The following CCDC81 variants were observed in gnomAD, a reference collection of about 807,000 sequenced individuals.
CCDC81 encodes the protein coiled-coil domain-containing protein 81.
A neutral mutation model predicts 83.7 loss-of-function variants in CCDC81; 79 were observed. The ratio of observed to expected loss-of-function variants is 0.94; its 90% CI spans 0.79 to 1.14. The LOEUF (loss-of-function observed/expected upper bound fraction) is 1.14, where lower values mean the gene tolerates loss of function less well. CCDC81 is among the 50% of genes most tolerant of loss of function. The probability of loss-of-function intolerance (pLI) is 0.00; values close to 1 mark genes in which losing one functional copy is unlikely to be tolerated. For synonymous variants in CCDC81, 252 were observed against 278.1 expected, an observed-to-expected ratio of 0.91 and a Z score of 0.93; for missense variants, 791 against 778.1, an observed-to-expected ratio of 1.02 and a Z score of -0.20.
chr11:86,415,305 A>T lies in CCDC81; in HGVS notation c.1683A>T (p.Thr561=). The part of the protein sequence containing the change: ...QRRDLQMLQR[T]QREHLADRTA... ...GGGATTTGCAAATGCTTCAGAGGAC[A>T]CAAAGAGAGTAAGGAGACCCCTGAT... Residue 561 remains threonine (T), a synonymous_variant, in exon 13 of 15, where the codon ACA becomes ACT. Coordinates refer to ENST00000445632, the MANE Select transcript of CCDC81 (RefSeq NM_001156474.2). 1 of 1,613,376 alleles carries T rather than the reference A, an allele frequency of 6.2e-7. No individual in the cohort carries two copies. The highest frequency in any genetic ancestry group is 2.2e-5 in the East Asian group (1 of 44,880).
intron 1 of CCDC81, among the ~76,000 whole-genome samples, chr11:86,378,361 T>C (rs1948127389): frequency 6.6e-6 from 1 of 152,196 alleles, no homozygotes; most frequent in African/African-American, 2.4e-5. Flanking sequence ...TCCTTTTCTA[T>C]TTGTTAAGGT....
intron 7 of CCDC81, among the ~76,000 whole-genome samples, chr11:86,405,756 T>C (rs1417940403): frequency 6.6e-6 from 1 of 152,032 alleles, no homozygotes; most frequent in African/African-American, 2.4e-5. Context: ...TTTACCAATT[T>C]CTTTGGTCAC....
At chr11:86,396,526 T>C (rs1948410637) in intron 5 of CCDC81, among the ~76,000 whole-genome samples, 1 of 152,198 alleles carries the variant, frequency 6.6e-6, no homozygotes, top group African/African-American at 2.4e-5. Context: ...AGTATAAAAG[T>C]ATGAGAATTT....
chr11:86,391,260 G>A (rs1013236273), intron 3 of CCDC81, among the ~76,000 whole-genome samples: 3 of 152,200 alleles, frequency 2.0e-5, no homozygotes, highest in Non-Finnish European at 4.4e-5. Context: ...TTGTTAAATT[G>A]TGCAGGAGAC....
At chr11:86,405,711 T>C (rs1948556237) in intron 7 of CCDC81, among the ~76,000 whole-genome samples, 1 of 152,210 alleles carries the variant, frequency 6.6e-6, no homozygotes, top group Non-Finnish European at 1.5e-5. Flanking sequence ...TGTATTATTT[T>C]ATGGTCAATG....
intron 13 of CCDC81, 49 bp downstream of exon 13, chr11:86,415,362 G>T: frequency 6.9e-7 from 1 of 1,456,202 alleles, no homozygotes; most frequent in Non-Finnish European, 9.6e-7. Flanking sequence ...CACTTATTCC[G>T]CTTCCTTTAT....
chr11:86,379,033 G>A (rs1027442766), intron 1 of CCDC81, among the ~76,000 whole-genome samples: 2 of 150,602 alleles, frequency 1.3e-5, no homozygotes, highest in African/African-American at 2.4e-5. Context: ...CTTGTTTTTT[G>A]TACCCATCTT....
chr11:86,408,609 T>C (rs1475181616), intron 9 of CCDC81, among the ~76,000 whole-genome samples: 1 of 152,134 alleles, frequency 6.6e-6, no homozygotes, highest in African/African-American at 2.4e-5. Context: ...CCTCCCAAAG[T>C]GCTGGGATTA....
At chr11:86,376,515 G>T (rs562975241) in intron 1 of CCDC81, among the ~76,000 whole-genome samples, 1 of 152,214 alleles carries the variant, frequency 6.6e-6, no homozygotes, top group East Asian at 1.9e-4. Context: ...GGGGACCAGG[G>T]GAAACTGCCA....
chr11:86,404,974 A>G (rs1034310735), intron 7 of CCDC81, among the ~76,000 whole-genome samples: 2 of 152,158 alleles, frequency 1.3e-5, no homozygotes, highest in Non-Finnish European at 2.9e-5. Context: ...GAGTACTTTT[A>G]CAGTAATTGT....
intron 1 of CCDC81, among the ~76,000 whole-genome samples, chr11:86,378,032 G>C (rs71465633): frequency 1.1e-5 from 1 of 94,220 alleles, no homozygotes; most frequent in African/African-American, 4.0e-5. Flanking sequence ...TTGTTTAAAA[G>C]ACTATCTGCT....
chr11:86,376,830 A>G (rs1948105016), intron 1 of CCDC81, among the ~76,000 whole-genome samples: 1 of 152,228 alleles, frequency 6.6e-6, no homozygotes, highest in African/African-American at 2.4e-5. Context: ...CATAGTTTAC[A>G]TTAGAGTTCT....
At chr11:86,415,026 CAG>C in intron 12 of CCDC81, 65 bp from the exon 13 acceptor site, 6 of 1,548,146 alleles carry the variant, frequency 3.9e-6, no homozygotes, top group Non-Finnish European at 4.4e-6. Flanking sequence ...TACCACATTA[CAG>C]GGTTGTGCAT....
chr11:86,421,206 G>A (rs1181823013), intron 14 of CCDC81, among the ~76,000 whole-genome samples: 2 of 152,190 alleles, frequency 1.3e-5, no homozygotes, highest in African/African-American at 4.8e-5. Context: ...AAGTCCATAT[G>A]TATGCAGTTA....
At chr11:86,403,457 T>C (rs1948521431) in intron 7 of CCDC81, among the ~76,000 whole-genome samples, 1 of 152,170 alleles carries the variant, frequency 6.6e-6, no homozygotes, top group Non-Finnish European at 1.5e-5. Context: ...TTTGGGAATG[T>C]CAGTCCATGA....
chr11:86,408,088 A>G, intron 8 of CCDC81, 39 bp from the exon 9 acceptor site: 2 of 1,604,338 alleles, frequency 1.2e-6, no homozygotes, highest in Non-Finnish European at 1.7e-6. Flanking sequence ...AAAAAGGTAA[A>G]ATGTAAAAAT....
At chr11:86,415,969 C>G (rs1252662310) in intron 13 of CCDC81, among the ~76,000 whole-genome samples, 3 of 152,158 alleles carry the variant, frequency 2.0e-5, no homozygotes, top group Non-Finnish European at 4.4e-5. Flanking sequence ...CCACAGCACC[C>G]AGCCTGATCA....
rs573776375 is a variant in CCDC81 at position 86,386,117 on chromosome 11, GATTTATTA to G, written c.141+24_141+31del. On this transcript the variant is annotated splice_donor_region_variant and intron_variant, in intron 2 of 14. Coordinates refer to ENST00000445632, the MANE Select transcript of CCDC81 (RefSeq NM_001156474.2). The stretch of plus-strand genomic sequence containing the variant: ...CGGCAGTTAACCCTGCACAAGGTAA[GATTTATTA>G]ATTTATTAATTTATTAATAAATTAA... The G allele has an allele frequency of 3.1e-4, 385 of 1,222,274 alleles. 4 individuals carry two copies. The South Asian group carries it at 5.9e-3, about 19-fold the overall frequency. 75.7% of individuals were successfully genotyped at this position (1,222,274 alleles called of 1,614,324 possible). A position where few individuals can be genotyped will look rare whatever the true frequency, so the allele number is the denominator to read the frequency against.
In CCDC81 at chr11:86,392,773, G is replaced by A. The variant is rs1286620928; in HGVS notation, c.531G>A (p.Gly177=). Residue 177 remains glycine (G), a synonymous_variant, in exon 4 of 15, where the codon GGG becomes GGA. Transcript: ENST00000445632. ...KDFLCTMDGS[G]ALAKALANRP... ...TCCTTTGTACCATGGATGGAAGTGG[G>A]GCTTTGGCAAAGGCCCTAGCAAATG... 13 of 1,551,338 alleles carry A rather than the reference G, an allele frequency of 8.4e-6. No homozygotes were observed. The highest frequency in any genetic ancestry group is 8.3e-5 in the South Asian group (7 of 83,968).
Sources: allele counts gnomAD v4.1 joint callset (sites outside exome capture counted in the v4.1 genomes callset), GRCh38; gene constraint gnomAD v4.1.1; transcripts MANE v1.5; gene names NCBI Gene and HGNC (gene_info 2026-07-23, HGNC 2026-07-21).